Variants in KCNK10 observed in about 807,000 individuals in gnomAD.
KCNK10 encodes the protein potassium two pore domain channel subfamily K member 10, also known as potassium channel subfamily K member 10.
In KCNK10, 25 loss-of-function variants were observed where a neutral mutation model predicts 47.7. The ratio of observed to expected loss-of-function variants is 0.52; its 90% CI spans 0.38 to 0.73. KCNK10 has a LOEUF of 0.73. Among genes scored for constraint, KCNK10 ranks in the 30% least tolerant of loss-of-function variants. KCNK10 has a pLI of 0.00. For missense variants in KCNK10, 563 were observed against 714.5 expected, an observed-to-expected ratio of 0.79 and a Z score of 2.42; for synonymous variants, 303 against 285.6, an observed-to-expected ratio of 1.06 and a Z score of -0.61.
At chr14:88,277,699 G>A (rs997917907) in intron 1 of KCNK10, among the ~76,000 whole-genome samples, 2 of 152,152 alleles carry the variant, frequency 1.3e-5, no homozygotes, top group African/African-American at 4.8e-5. Flanking sequence ...TAACACCTAG[G>A]TTTGGGGAAT....
intron 1 of KCNK10, among the ~76,000 whole-genome samples, chr14:88,285,323 G>A (rs944170034): frequency 2.6e-5 from 4 of 152,042 alleles, no homozygotes; most frequent in Admixed American, 6.6e-5. Context: ...TGTTGGCCGG[G>A]GTAGTCTAGA....
At chr14:88,217,387 C>T (rs1885656869) in intron 4 of KCNK10, among the ~76,000 whole-genome samples, 2 of 152,140 alleles carry the variant, frequency 1.3e-5, no homozygotes, top group African/African-American at 4.8e-5. Context: ...GCCCTCCTCC[C>T]CTGCCTCTTT....
At chr14:88,237,802 G>C (rs1886339080) in intron 3 of KCNK10, among the ~76,000 whole-genome samples, 2 of 152,242 alleles carry the variant, frequency 1.3e-5, no homozygotes, top group Non-Finnish European at 2.9e-5. Context: ...TCCATTTATA[G>C]AAGGCAAGCA....
intron 2 of KCNK10, among the ~76,000 whole-genome samples, chr14:88,262,069 G>T (rs17124389): frequency 6.6e-6 from 1 of 152,238 alleles, no homozygotes; most frequent in South Asian, 2.1e-4. Flanking sequence ...AGAAAACAGC[G>T]CAGACTGGTA....
chr14:88,218,559 A>G (rs1246591700), intron 4 of KCNK10, among the ~76,000 whole-genome samples: 1 of 148,152 alleles, frequency 6.7e-6, no homozygotes, highest in Admixed American at 6.8e-5. Context: ...GGGAAAGCCA[A>G]AAAAAGAAAA....
intron 4 of KCNK10, among the ~76,000 whole-genome samples, chr14:88,209,183 T>TA (rs1253933424): frequency 1.3e-5 from 2 of 152,232 alleles, no homozygotes; most frequent in Admixed American, 1.3e-4. Flanking sequence ...GAGGAAACTT[T>TA]AGTCTTCCTT....
chr14:88,262,327 A>C (rs1380758424), intron 2 of KCNK10, among the ~76,000 whole-genome samples: 1 of 152,138 alleles, frequency 6.6e-6, no homozygotes, highest in Non-Finnish European at 1.5e-5. Context: ...TTCCTCCTTC[A>C]CGTCCAAGGT....
At chr14:88,197,935 AC>A (rs1211768096) in intron 4 of KCNK10, among the ~76,000 whole-genome samples, 39 of 152,230 alleles carry the variant, frequency 2.6e-4, no homozygotes, top group African/African-American at 8.7e-4. Flanking sequence ...CCTCTTGCAC[AC>A]AAAGTCCAGC....
chr14:88,306,536 C>T (rs947597035), intron 1 of KCNK10, among the ~76,000 whole-genome samples: 2 of 152,120 alleles, frequency 1.3e-5, no homozygotes, highest in Non-Finnish European at 2.9e-5. Flanking sequence ...CCCTGATGAT[C>T]AAGTGAAGAC....
chr14:88,307,327 T>TCTCACACA (rs1555365481), intron 1 of KCNK10, among the ~76,000 whole-genome samples: 6 of 148,850 alleles, frequency 4.0e-5, no homozygotes, highest in African/African-American at 1.2e-4. Context: ...AAGAAGCTGA[T>TCTCACACA]CACACACACA....
intron 1 of KCNK10, among the ~76,000 whole-genome samples, chr14:88,275,615 G>A (rs777115393): frequency 1.5e-4 from 23 of 150,560 alleles, no homozygotes; most frequent in Non-Finnish European, 2.8e-4. Context: ...TTGTGAGGCC[G>A]AGGCAGGGGA....
At chr14:88,209,420 G>A (rs577076619) in intron 4 of KCNK10, among the ~76,000 whole-genome samples, 1 of 152,202 alleles carries the variant, frequency 6.6e-6, no homozygotes, top group South Asian at 2.1e-4. Context: ...AAGTGTGGCC[G>A]ACGACGAAGA....
chr14:88,318,749 C>A (rs1317232919), intron 1 of KCNK10, among the ~76,000 whole-genome samples: 12 of 152,180 alleles, frequency 7.9e-5, no homozygotes. Context: ...TAGACAAAGG[C>A]AATGACTCCT....
rs762757025 is a variant in KCNK10, at chr14:88,263,330, C to T, written c.274G>A (p.Gly92Ser). 1.5e-5 allele frequency: 25 copies of T among 1,613,800 alleles called. No individual in the cohort carries two copies. The highest frequency in any genetic ancestry group is 4.4e-5 in the South Asian group (4 of 91,090). The change falls in exon 2 of 7, where the codon GGT (glycine) becomes AGT (serine). Residue 92 changes from glycine (G) to serine (S), a missense_variant. By Grantham distance (56) the Gly-to-Ser change is moderately conservative. Transcript: ENST00000319231. ...TGCTCCAATGCCCGGAAGACAAGAC[C>T]GCCAGTGACAAGGTAGACCACCACA... ...VVVVVYLVTGGLVFRALEQPF... is the reference protein window; with the variant it reads ...VVVVVYLVTGSLVFRALEQPF...
chr14:88,291,917 C>A (rs899181938), intron 1 of KCNK10, among the ~76,000 whole-genome samples: 2 of 152,128 alleles, frequency 1.3e-5, no homozygotes, highest in Admixed American at 1.3e-4. Flanking sequence ...AAAAAGCCTT[C>A]CCCAAGAAGT....
At chr14:88,263,580 G>T (rs1470733746) in intron 1 of KCNK10, 29 bp from the exon 2 acceptor site, 2 of 1,573,690 alleles carry the variant, frequency 1.3e-6, no homozygotes, top group Non-Finnish European at 1.7e-6. Context: ...GGACAAAGAA[G>T]AAGAGAGTTT....
rs573864067 is a variant in KCNK10 at position 88,318,627 on chromosome 14, G to C, written c.52+4120C>G. Among the ~76,000 whole-genome samples the C allele has an allele frequency of 1.1e-4, 17 of 152,268 alleles. No individual in the cohort carries two copies. The East Asian group carries it at 3.3e-3, about 29-fold the overall frequency. On this transcript the variant is annotated intron_variant, in intron 1 of 6. Coordinates refer to ENST00000319231, the MANE Select transcript of KCNK10 (RefSeq NM_138317.3). Reference sequence around the variant, plus strand: ...ATTATAAGCAGTGGGAATTCCAAGCGCAAAGGCCCTCAGACAGATGCAAGT... The same window carrying C: ...ATTATAAGCAGTGGGAATTCCAAGCCCAAAGGCCCTCAGACAGATGCAAGT...
chr14:88,264,493 G>T (rs183417843), intron 1 of KCNK10, among the ~76,000 whole-genome samples: 1 of 152,306 alleles, frequency 6.6e-6, no homozygotes. Context: ...TTACCTAAGT[G>T]GGGTAAACAG....
rs184380611 is a variant in KCNK10 at position 88,186,888 on chromosome 14, G to A, written c.1012-733C>T. 5.9e-4 allele frequency among the ~76,000 whole-genome samples: 90 copies of A among 152,342 alleles called. 1 individual carries two copies. Among genetic ancestry groups the A allele is most frequent in the African/African-American group, 2.0e-3 (84 of 41,570 alleles). The stretch of plus-strand genomic sequence containing the variant: ...TATTCTGCCAAAGCCCACAGAACAG[G>A]CCTCCTTAGAGTGGAGTTTTGCCTG... On this transcript the variant is annotated intron_variant, in intron 6 of 6. Transcript: ENST00000319231. The surrounding 1 kb of genome is among the most constrained non-coding windows in gnomAD (Gnocchi z 5.5).
Sources: gnomAD v4.1 joint callset for allele counts (sites outside exome capture counted in the v4.1 genomes callset) on GRCh38, gnomAD v4.1.1 for gene constraint, Gnocchi (gnomAD v3.1) non-coding constraint, MANE v1.5 for transcripts, NCBI Gene and HGNC (gene_info 2026-07-23, HGNC 2026-07-21) for gene names.